Variants in KAZN observed in about 807,000 individuals in gnomAD.
The protein encoded by KAZN is kazrin, periplakin interacting protein, also known as kazrin.
In KAZN, 40 loss-of-function variants were observed where a neutral mutation model predicts 87.4. The observed-to-expected ratio is 0.46, with a 90% CI of 0.36 to 0.60. The LOEUF (loss-of-function observed/expected upper bound fraction) is 0.60, where lower values mean the gene tolerates loss of function less well. Among genes scored for constraint, KAZN ranks in the 20% least tolerant of loss-of-function variants. KAZN has a pLI of 0.00. For missense variants in KAZN, 898 were observed against 1,073.9 expected, an observed-to-expected ratio of 0.84 and a Z score of 2.29; for synonymous variants, 466 against 458.3, an observed-to-expected ratio of 1.02 and a Z score of -0.22.
intron 2 of KAZN, among the ~76,000 whole-genome samples, chr1:14,365,204 T>C (rs1024700555): frequency 1.3e-5 from 2 of 151,988 alleles, no homozygotes; most frequent in African/African-American, 4.8e-5. Context: ...CCACCATGCC[T>C]GGCTAATTTT....
chr1:14,783,247 G>A (rs551219825), intron 1 of KAZN, among the ~76,000 whole-genome samples: 2 of 152,154 alleles, frequency 1.3e-5, no homozygotes, highest in Admixed American at 1.3e-4. Context: ...AGAACATTTA[G>A]TTTTAATCTT....
At chr1:14,168,221 G>C (rs1645874479) in intron 1 of KAZN, among the ~76,000 whole-genome samples, 1 of 152,178 alleles carries the variant, frequency 6.6e-6, no homozygotes. Context: ...CGACTTTATT[G>C]TAACGCATTT....
intron 2 of KAZN, among the ~76,000 whole-genome samples, chr1:14,423,143 T>C (rs1471124967): frequency 6.6e-6 from 1 of 152,218 alleles, no homozygotes; most frequent in African/African-American, 2.4e-5. Context: ...TTTGGAACCC[T>C]GGTGTTCCTT....
chr1:13,987,311 C>T (rs1639067119), intron 1 of KAZN, among the ~76,000 whole-genome samples: 1 of 151,978 alleles, frequency 6.6e-6, no homozygotes, highest in Admixed American at 6.6e-5. Flanking sequence ...CTAATGCTCT[C>T]CCTCCTCTTG....
intron 1 of KAZN, among the ~76,000 whole-genome samples, chr1:14,146,742 A>G (rs74059712): frequency 0.016 from 2,381 of 148,756 alleles, 56 homozygotes; most frequent in African/African-American, 0.056. Context: ...GAGTGACTTG[A>G]TGACAGTTAA....
At chr1:14,478,125 C>T (rs1027919436) in intron 2 of KAZN, among the ~76,000 whole-genome samples, 5 of 151,974 alleles carry the variant, frequency 3.3e-5, no homozygotes, top group East Asian at 1.9e-4. Context: ...GCCTTTGCCT[C>T]GAGCTGCTTT....
intron 1 of KAZN, among the ~76,000 whole-genome samples, chr1:14,848,958 T>A (rs144939474): frequency 1.3e-3 from 192 of 152,260 alleles, no homozygotes; most frequent in African/African-American, 4.5e-3. Flanking sequence ...AGGGGCCGGA[T>A]GCTGCGGCTC....
At chr1:14,897,189 G>C (rs1397637651) in intron 1 of KAZN, among the ~76,000 whole-genome samples, 6 of 152,148 alleles carry the variant, frequency 3.9e-5, no homozygotes, top group Admixed American at 1.3e-4. Context: ...CAAAGAAAGG[G>C]AAGGAGTTGC....
intron 2 of KAZN, among the ~76,000 whole-genome samples, chr1:14,358,794 T>A (rs143185983): frequency 0.066 from 9,682 of 145,706 alleles, 441 homozygotes; most frequent in South Asian, 0.21. Context: ...AGAGACTGTT[T>A]GTTATGATTT....
intron 1 of KAZN, among the ~76,000 whole-genome samples, chr1:14,798,733 C>T (rs1645912162): frequency 6.6e-6 from 1 of 151,476 alleles, no homozygotes; most frequent in Admixed American, 6.6e-5. Context: ...CACGCCCGGC[C>T]CACTTTCTTT....
intron 1 of KAZN, among the ~76,000 whole-genome samples, chr1:14,731,069 T>G (rs1215571918): frequency 6.6e-6 from 1 of 152,218 alleles, no homozygotes; most frequent in Admixed American, 6.5e-5. Flanking sequence ...AATTTATTTC[T>G]TAACAATTTC....
chr1:14,494,174 G>A (rs186919352), intron 2 of KAZN, among the ~76,000 whole-genome samples: 12 of 152,296 alleles, frequency 7.9e-5, no homozygotes, highest in Admixed American at 7.8e-4. Context: ...CTCAGGAGCA[G>A]CCCAGAGCCA....
intron 2 of KAZN, among the ~76,000 whole-genome samples, chr1:14,435,555 C>T (rs1666332983): frequency 6.6e-6 from 1 of 152,172 alleles, no homozygotes; most frequent in Admixed American, 6.5e-5. Context: ...TGGGCTGCCT[C>T]CCATTCCTTT....
At position 14,960,817 on chromosome 1, in the gene KAZN, C is replaced by T; in HGVS notation, c.360C>T (p.Leu120=). ...KSSEVLSATE[L]RVQLAQKEQE... ...CTGAGGTCCTCTCGGCCACCGAGCT[C>T]AGGGTCCAGCTGGCCCAGAAGGAGC... The change falls in exon 2 of 15, where the codon CTC becomes CTT. Residue 120 remains leucine (L), a synonymous_variant. Coordinates refer to ENST00000376030, the MANE Select transcript of KAZN (RefSeq NM_201628.3). 1 of 1,613,132 alleles carries T rather than the reference C, an allele frequency of 6.2e-7. No homozygotes were observed.
intron 2 of KAZN, among the ~76,000 whole-genome samples, chr1:14,486,735 C>T (rs955643046): frequency 6.6e-6 from 1 of 152,148 alleles, no homozygotes; most frequent in Non-Finnish European, 1.5e-5. Context: ...CACCTTCAGG[C>T]TTGGGAGGAG....
chr1:14,521,434 G>A (rs1291787089), intron 2 of KAZN, among the ~76,000 whole-genome samples: 1 of 152,202 alleles, frequency 6.6e-6, no homozygotes, highest in African/African-American at 2.4e-5. Flanking sequence ...ACAGAAAAAG[G>A]TAAATTTCGG....
At chr1:15,065,813 G>C in intron 8 of KAZN, 60 bp downstream of exon 8, 2 of 1,593,718 alleles carry the variant, frequency 1.3e-6, no homozygotes, top group Non-Finnish European at 1.7e-6. Context: ...GCTCCCCTGC[G>C]CCTGCTGCCC....
At chr1:14,321,958 C>T (rs1467652914) in intron 2 of KAZN, among the ~76,000 whole-genome samples, 1 of 152,200 alleles carries the variant, frequency 6.6e-6, no homozygotes, top group South Asian at 2.1e-4. Flanking sequence ...TATTAGAACA[C>T]AACCCATCAA....
At chr1:14,263,719 G>T (rs2100658878) in intron 2 of KAZN, among the ~76,000 whole-genome samples, 1 of 152,342 alleles carries the variant, frequency 6.6e-6, no homozygotes, top group African/African-American at 2.4e-5. Context: ...GTATGAGGTA[G>T]AAATGTAAAC....
Sources: allele counts gnomAD v4.1 joint callset (sites outside exome capture counted in the v4.1 genomes callset), GRCh38; gene constraint gnomAD v4.1.1; transcripts MANE v1.5; gene names NCBI Gene and HGNC (gene_info 2026-07-23, HGNC 2026-07-21).